The following ADAM32 variants were observed in gnomAD, a reference collection of about 807,000 sequenced individuals.
ADAM32 encodes the protein disintegrin and metalloproteinase domain-containing protein 32.
ADAM32 carries 89 observed loss-of-function variants against 114.9 expected under a neutral mutation model. The observed-to-expected ratio is 0.77, with a 90% CI of 0.65 to 0.92. The LOEUF (loss-of-function observed/expected upper bound fraction) is 0.92. Among genes scored for constraint, ADAM32 ranks in the 40% least tolerant of loss-of-function variants. The probability of loss-of-function intolerance (pLI) is 0.00; values close to 1 mark genes in which losing one functional copy is unlikely to be tolerated. For synonymous variants in ADAM32, 285 were observed against 307.5 expected, an observed-to-expected ratio of 0.93 and a Z score of 0.77; for missense variants, 870 against 932.8, an observed-to-expected ratio of 0.93 and a Z score of 0.88.
chr8:39,149,129 A>G (rs183848919), intron 4 of ADAM32, among the ~76,000 whole-genome samples: 202 of 152,318 alleles, frequency 1.3e-3, no homozygotes, highest in Non-Finnish European at 2.4e-3. Flanking sequence ...TCTATCAGTC[A>G]CTAAGAGAAA....
At chr8:39,109,183 A>G (rs1840050857) in intron 1 of ADAM32, among the ~76,000 whole-genome samples, 1 of 152,244 alleles carries the variant, frequency 6.6e-6, no homozygotes, top group African/African-American at 2.4e-5. Flanking sequence ...ATGTGGATTT[A>G]TATCGATGTT....
intron 16 of ADAM32, among the ~76,000 whole-genome samples, chr8:39,240,430 T>G (rs2129449780): frequency 6.6e-6 from 1 of 152,342 alleles, no homozygotes; most frequent in South Asian, 2.1e-4. Flanking sequence ...AAAGCCGTGC[T>G]AAAAGGAAAG....
rs569444981 is a variant in ADAM32, at chr8:39,234,008, G to A, written c.1744G>A (p.Val582Ile). ...CGTACGAGATTCTGTATGCATAACTGTAGACTACAAATTGCCTCGAACAGT... is the reference window on the plus strand; with the variant it reads ...CGTACGAGATTCTGTATGCATAACTATAGACTACAAATTGCCTCGAACAGT... The part of the protein sequence containing the change: ...AFVRDSVCIT[V>I]DYKLPRTVPD... The change falls in exon 16 of 25, where the codon GTA (valine) becomes ATA (isoleucine). Residue 582 changes from valine to isoleucine, a missense_variant. Coordinates refer to ENST00000379907, the MANE Select transcript of ADAM32 (RefSeq NM_145004.7). The A allele has an allele frequency of 1.3e-6, 2 of 1,553,910 alleles. No homozygotes were observed. Among genetic ancestry groups the A allele is most frequent in the Non-Finnish European group, 1.7e-6 (2 of 1,147,298 alleles).
chr8:39,147,954 C>A (rs1585400678), intron 4 of ADAM32, among the ~76,000 whole-genome samples: 2 of 151,956 alleles, frequency 1.3e-5, no homozygotes, highest in South Asian at 2.1e-4. Context: ...TCTATCTAAA[C>A]CCTATCAAGA....
chr8:39,239,893 A>G (rs1033078909), intron 16 of ADAM32, among the ~76,000 whole-genome samples: 4 of 152,212 alleles, frequency 2.6e-5, no homozygotes, highest in Admixed American at 6.5e-5. Context: ...TTGTAAATAC[A>G]TATACACCTA....
chr8:39,176,195 C>T (rs561969530), intron 10 of ADAM32, among the ~76,000 whole-genome samples: 1 of 152,166 alleles, frequency 6.6e-6, no homozygotes, highest in Non-Finnish European at 1.5e-5. Context: ...TTCAGTTCTG[C>T]TCTGATCTTG....
intron 11 of ADAM32, among the ~76,000 whole-genome samples, chr8:39,201,244 T>C (rs968052960): frequency 6.6e-6 from 1 of 152,212 alleles, no homozygotes; most frequent in East Asian, 1.9e-4. Context: ...TATTGATTCT[T>C]CCTACCCATG....
chr8:39,175,959 G>A (rs1426730257), intron 10 of ADAM32, among the ~76,000 whole-genome samples: 2 of 152,126 alleles, frequency 1.3e-5, no homozygotes, highest in Admixed American at 6.5e-5. Context: ...AGATTTTCTA[G>A]TTTACGTGCA....
chr8:39,140,375 A>G (rs1408698649), intron 3 of ADAM32, among the ~76,000 whole-genome samples: 8 of 152,128 alleles, frequency 5.3e-5, no homozygotes, highest in Admixed American at 5.2e-4. Context: ...GGGCTGTTGA[A>G]TTTTGTCAAA....
rs533104909 is a variant in ADAM32 at position 39,278,038 on chromosome 8, T to C, written c.2279+2172T>C. Among the ~76,000 whole-genome samples, 5 of 152,148 alleles carry C rather than the reference T, an allele frequency of 3.3e-5. No homozygotes were observed. In the East Asian group the frequency reaches 9.7e-4, roughly 29 times the overall value. On this transcript the variant is annotated intron_variant, in intron 22 of 24. Transcript: ENST00000379907. ...CATGAATGAATTGAAAGATGATAAA[T>C]GTGAGGAATTTTATTGAATAATGAA...
chr8:39,139,510 C>T (rs1803010789), intron 3 of ADAM32, among the ~76,000 whole-genome samples: 1 of 152,076 alleles, frequency 6.6e-6, no homozygotes, highest in South Asian at 2.1e-4. Flanking sequence ...TTTCTGAGGC[C>T]TCCGTTCTGT....
chr8:39,172,562 T>C (rs993997974), intron 10 of ADAM32, among the ~76,000 whole-genome samples: 3 of 152,328 alleles, frequency 2.0e-5, no homozygotes, highest in Non-Finnish European at 2.9e-5. Context: ...CTCCCACTTA[T>C]AAGTGAGAAC....
intron 2 of ADAM32, among the ~76,000 whole-genome samples, chr8:39,131,748 C>T (rs1802470037): frequency 6.6e-6 from 1 of 152,066 alleles, no homozygotes; most frequent in African/African-American, 2.4e-5. Flanking sequence ...TATTTCTTGT[C>T]TTTAAGCCTA....
At position 39,251,219 on chromosome 8, in the gene ADAM32, T is replaced by A. The variant is rs1429157097; in HGVS notation, c.1903-3195T>A. Among the ~76,000 whole-genome samples the A allele has an allele frequency of 2.6e-5, 4 of 151,910 alleles. No homozygotes were observed. The East Asian group carries it at 7.7e-4, about 29-fold the overall frequency. On this transcript the variant is annotated intron_variant, in intron 17 of 24. Coordinates refer to ENST00000379907, the MANE Select transcript of ADAM32 (RefSeq NM_145004.7). Reference sequence around the variant, plus strand: ...TAGAATTGCTGGGTCATATAGTAGTTCTATTTTTAGTTTTTTTGAGGAATC... The same window carrying A: ...TAGAATTGCTGGGTCATATAGTAGTACTATTTTTAGTTTTTTTGAGGAATC...
chr8:39,112,227 G>T (rs935056637), intron 1 of ADAM32, among the ~76,000 whole-genome samples: 2 of 151,878 alleles, frequency 1.3e-5, no homozygotes, highest in Admixed American at 1.3e-4. Context: ...AGACATATAC[G>T]GTCCTTTTGA....
chr8:39,228,016 C>T (rs941999780), intron 14 of ADAM32, among the ~76,000 whole-genome samples: 2 of 152,184 alleles, frequency 1.3e-5, no homozygotes, highest in Admixed American at 6.5e-5. Flanking sequence ...TCTGTGCAGA[C>T]ACCCACCAGT....
intron 11 of ADAM32, among the ~76,000 whole-genome samples, chr8:39,202,380 A>G (rs1345552189): frequency 6.6e-6 from 1 of 152,024 alleles, no homozygotes; most frequent in Non-Finnish European, 1.5e-5. Context: ...CCAGGAATTT[A>G]TCTGTTTCTT....
intron 22 of ADAM32, among the ~76,000 whole-genome samples, chr8:39,278,088 C>A (rs1813200404): frequency 6.6e-6 from 1 of 152,128 alleles, no homozygotes; most frequent in African/African-American, 2.4e-5. Flanking sequence ...GGAAGGGGAG[C>A]TGAAAAGGGG....
chr8:39,131,431 C>A (rs897647852), intron 2 of ADAM32, among the ~76,000 whole-genome samples: 1 of 152,146 alleles, frequency 6.6e-6, no homozygotes, highest in South Asian at 2.1e-4. Context: ...GTAGAGCCTG[C>A]AGTGAGCTGA....
Sources: gnomAD v4.1 joint callset for allele counts (sites outside exome capture counted in the v4.1 genomes callset) on GRCh38, gnomAD v4.1.1 for gene constraint, MANE v1.5 for transcripts, NCBI Gene and HGNC (gene_info 2026-07-23, HGNC 2026-07-21) for gene names.